HIPK2: variants seen among roughly 807,000 people sequenced by gnomAD.
The protein encoded by HIPK2 is homeodomain-interacting protein kinase 2.
HIPK2 carries 27 observed loss-of-function variants against 113.7 expected under a neutral mutation model. That is an observed-to-expected ratio of 0.24 (90% CI 0.17 to 0.33). The LOEUF is 0.33. Ranked by LOEUF, HIPK2 falls within the 10% of genes least tolerant of loss-of-function variation. HIPK2 has a pLI of 1.00. For missense variants in HIPK2, 1,257 were observed against 1,588.0 expected (o/e 0.79, Z 3.54); for synonymous variants, 631 against 642.2 (o/e 0.98, Z 0.26).
chr7:139,719,729 G>C (rs561793589), intron 1 of HIPK2, among the ~76,000 whole-genome samples: 1 of 152,184 alleles, frequency 6.6e-6, no homozygotes, highest in African/African-American at 2.4e-5. Context: ...TCATAGACAA[G>C]AAGGTGCTAA....
In HIPK2 at chr7:139,598,052, T is replaced by A. The variant is rs139881987; in HGVS notation, c.2436-1054A>T. Among the ~76,000 whole-genome samples, 690 of 152,336 alleles carry A rather than the reference T, an allele frequency of 4.5e-3. 7 individuals carry two copies. The highest frequency in any genetic ancestry group is 0.016 in the African/African-American group (647 of 41,574). Reference sequence around the variant, plus strand: ...TGAGGTCATTTTATACATTATTTTATAATAATTTTCTGGATGAAACAAAGT... The same window carrying A: ...TGAGGTCATTTTATACATTATTTTAAAATAATTTTCTGGATGAAACAAAGT... On this transcript the variant is annotated intron_variant, in intron 11 of 14. Transcript: ENST00000406875.
At chr7:139,692,398 T>C (rs118177498) in intron 2 of HIPK2, among the ~76,000 whole-genome samples, 2,238 of 152,274 alleles carry the variant, frequency 0.015, 29 homozygotes, top group Middle Eastern at 0.024. Flanking sequence ...GCCTGCTTAA[T>C]GCCAAGGTCA....
intron 8 of HIPK2, among the ~76,000 whole-genome samples, chr7:139,614,076 T>A (rs998389595): frequency 3.9e-5 from 6 of 152,134 alleles, no homozygotes; most frequent in Non-Finnish European, 7.4e-5. Flanking sequence ...CACAAAGGAT[T>A]GACTTGGTGC....
In HIPK2 at chr7:139,564,958, CT is replaced by C. The variant is rs1002597591; in HGVS notation, c.*7968del. 6.6e-6 allele frequency: 1 copy of C among 152,148 alleles called. No homozygotes were observed. The highest frequency in any genetic ancestry group is 1.5e-5 in the Non-Finnish European group (1 of 68,022). 9.4% of individuals were successfully genotyped at this position (152,148 alleles called of 1,614,324 possible). A position where few individuals can be genotyped will look rare whatever the true frequency, so the allele number is the denominator to read the frequency against. On this transcript the variant is annotated 3_prime_UTR_variant, in exon 15 of 15. Coordinates refer to ENST00000406875, the MANE Select transcript of HIPK2 (RefSeq NM_022740.5). ...TTGAGTACAACACACAAAGAATAATCTCTTCCTTGGTTTAATTTTTGTTGTA... is the reference window on the plus strand; with the variant it reads ...TTGAGTACAACACACAAAGAATAATCCTTCCTTGGTTTAATTTTTGTTGTA...
Position 139,760,933 on chromosome 7 carries a change from T to G in HIPK2, c.19+16672A>C, listed in dbSNP as rs145814376. 3.3e-5 allele frequency among the ~76,000 whole-genome samples: 5 copies of G among 152,284 alleles called. No individual in the cohort carries two copies. The East Asian group carries it at 9.6e-4, about 29-fold the overall frequency. Reference sequence around the variant, plus strand: ...GATTTTCAAGATTATAGAAGTTCTGTCAAAAGGTCACAGGACCTAGCTGAA... The same window carrying G: ...GATTTTCAAGATTATAGAAGTTCTGGCAAAAGGTCACAGGACCTAGCTGAA... On this transcript the variant is annotated intron_variant, in intron 1 of 14. Transcript: ENST00000406875.
chr7:139,730,892 G>A (rs1795757638), intron 1 of HIPK2, among the ~76,000 whole-genome samples: 1 of 152,126 alleles, frequency 6.6e-6, no homozygotes, highest in Non-Finnish European at 1.5e-5. Flanking sequence ...GCCACACATC[G>A]ACAGAGGCAG....
intron 2 of HIPK2, among the ~76,000 whole-genome samples, chr7:139,661,911 C>T (rs906285875): frequency 1.3e-5 from 2 of 152,158 alleles, no homozygotes; most frequent in African/African-American, 4.8e-5. Context: ...ACTATCTCCC[C>T]CAAAGCCTTT....
At chr7:139,656,167 C>T (rs996279645) in intron 2 of HIPK2, among the ~76,000 whole-genome samples, 4 of 152,156 alleles carry the variant, frequency 2.6e-5, no homozygotes, top group African/African-American at 9.7e-5. Context: ...CATTCACTGC[C>T]AGGCATCTAC....
chr7:139,656,697 T>C (rs1232556599), intron 2 of HIPK2, among the ~76,000 whole-genome samples: 5 of 152,228 alleles, frequency 3.3e-5, no homozygotes, highest in Non-Finnish European at 5.9e-5. Flanking sequence ...CATCATGTTT[T>C]TCTGTGTTCA....
chr7:139,578,563 T>C (rs1211626645), intron 13 of HIPK2, among the ~76,000 whole-genome samples: 1 of 152,260 alleles, frequency 6.6e-6, no homozygotes, highest in Non-Finnish European at 1.5e-5. Flanking sequence ...CTTTGTTGAT[T>C]TGAGCACTTC....
At chr7:139,670,228 G>T (rs1802213855) in intron 2 of HIPK2, among the ~76,000 whole-genome samples, 1 of 152,140 alleles carries the variant, frequency 6.6e-6, no homozygotes, top group African/African-American at 2.4e-5. Flanking sequence ...GACTCAAAGA[G>T]TCCCCCTGAT....
chr7:139,759,670 T>C (rs541607608), intron 1 of HIPK2, among the ~76,000 whole-genome samples: 4 of 152,276 alleles, frequency 2.6e-5, no homozygotes, highest in East Asian at 1.9e-4. Context: ...AGTTAAGACG[T>C]AGAACAACAG....
rs576033506 is a variant in HIPK2 at position 139,569,684 on chromosome 7, C to A, written c.*3243G>T. 2.6e-5 allele frequency: 4 copies of A among 151,856 alleles called. No homozygotes were observed. Among genetic ancestry groups the A allele is most frequent in the Non-Finnish European group, 5.9e-5 (4 of 67,990 alleles). The allele number at this position is 151,856 out of a possible 1,614,324, so 9.4% of individuals were successfully genotyped here. ...TTGTTCTGTGGTGGATCTTTCTTGA[C>A]GTCTCTTGTTGGGATAGAGATGACA... On this transcript the variant is annotated 3_prime_UTR_variant, in exon 15 of 15. Transcript: ENST00000406875.
intron 2 of HIPK2, among the ~76,000 whole-genome samples, chr7:139,680,668 C>T (rs951660440): frequency 6.6e-6 from 1 of 152,218 alleles, no homozygotes; most frequent in Non-Finnish European, 1.5e-5. Context: ...CGGCCAACAG[C>T]CTTCAGAAGA....
intron 2 of HIPK2, among the ~76,000 whole-genome samples, chr7:139,647,595 T>C (rs1197305414): frequency 1.3e-5 from 2 of 152,220 alleles, no homozygotes; most frequent in African/African-American, 4.8e-5. Flanking sequence ...ATCATCTATC[T>C]ATATCTATCT....
intron 2 of HIPK2, among the ~76,000 whole-genome samples, chr7:139,711,102 T>C (rs1172673739): frequency 2.0e-5 from 3 of 151,792 alleles, no homozygotes; most frequent in Admixed American, 2.0e-4. Context: ...TGAAATCAAC[T>C]TGAAGACAGT....
intron 12 of HIPK2, among the ~76,000 whole-genome samples, chr7:139,591,429 C>G (rs1175081764): frequency 6.6e-6 from 1 of 152,164 alleles, no homozygotes; most frequent in African/African-American, 2.4e-5. Flanking sequence ...TCATCACCTT[C>G]AGTCTATCCA....
At chr7:139,681,264 T>G (rs1425693616) in intron 2 of HIPK2, among the ~76,000 whole-genome samples, 1 of 152,188 alleles carries the variant, frequency 6.6e-6, no homozygotes, top group Non-Finnish European at 1.5e-5. Context: ...TTGGCCTGTT[T>G]TGATAACAGA....
rs10239469 is a variant in HIPK2 at position 139,563,744 on chromosome 7, C to T, written c.*9183G>A. 8.0e-3 allele frequency: 3,202 copies of T among 398,260 alleles called. 95 individuals carry two copies. The highest frequency in any genetic ancestry group is 0.059 in the African/African-American group (2,879 of 48,704). The allele number at this position is 398,260 out of a possible 1,614,324, so 24.7% of individuals were successfully genotyped here. On this transcript the variant is annotated 3_prime_UTR_variant, in exon 15 of 15. Coordinates refer to ENST00000406875, the MANE Select transcript of HIPK2 (RefSeq NM_022740.5). ...ACCAAAAGACTGTCCTAAGAACACG[C>T]TGTCAATACAGTTCACAGGGAAAAA...
Sources: gnomAD v4.1 joint callset for allele counts (sites outside exome capture counted in the v4.1 genomes callset) on GRCh38, gnomAD v4.1.1 for gene constraint, MANE v1.5 for transcripts, NCBI Gene and HGNC (gene_info 2026-07-23, HGNC 2026-07-21) for gene names.